Variants in UBE2J2 observed in about 807,000 individuals in gnomAD.
UBE2J2 encodes ubiquitin-conjugating enzyme E2 J2.
UBE2J2 carries 5 observed loss-of-function variants against 28.6 expected under a neutral mutation model. That is an observed-to-expected ratio of 0.17 (90% confidence interval 0.09 to 0.37). UBE2J2 has a LOEUF of 0.37. Among genes scored for constraint, UBE2J2 ranks in the 10% least tolerant of loss-of-function variants. The probability of loss-of-function intolerance (pLI) is 1.00; values close to 1 mark genes in which losing one functional copy is unlikely to be tolerated. For missense variants in UBE2J2, 226 were observed against 338.9 expected (o/e 0.67, Z 2.62); for synonymous variants, 138 against 139.7 (o/e 0.99, Z 0.09).
chr1:1,262,607 G>A (rs931327306), intron 3 of UBE2J2, among the ~76,000 whole-genome samples: 7 of 152,322 alleles, frequency 4.6e-5, no homozygotes, highest in South Asian at 4.1e-4. Context: ...ACCTGAAGCC[G>A]GGGCCCTGTG....
chr1:1,269,363 G>T (rs948549331), intron 1 of UBE2J2, among the ~76,000 whole-genome samples: 16 of 151,878 alleles, frequency 1.1e-4, no homozygotes, highest in Middle Eastern at 3.2e-3. Context: ...CTGGATCAGG[G>T]ACCCCAAGGC....
chr1:1,271,482 G>C (rs1055528708), intron 1 of UBE2J2: 3 of 152,190 alleles, frequency 2.0e-5, no homozygotes, highest in African/African-American at 7.2e-5. Context: ...TCCATCCAAT[G>C]AGTCACAAAC....
chr1:1,263,417 T>C (rs1182735753), intron 2 of UBE2J2, 31 bp from the exon 3 acceptor site: 2 of 1,601,212 alleles, frequency 1.2e-6, no homozygotes, highest in South Asian at 2.2e-5. Context: ...ACTTGGGATT[T>C]GAGGACAGCA....
At chr1:1,272,143 C>T (rs992045080) in intron 1 of UBE2J2, among the ~76,000 whole-genome samples, 1 of 151,646 alleles carries the variant, frequency 6.6e-6, no homozygotes, top group Admixed American at 6.6e-5. Flanking sequence ...AACAGAGACC[C>T]TGTATCAAAA....
intron 6 of UBE2J2, 152 bp downstream of exon 6, chr1:1,255,893 T>A: frequency 2.9e-6 from 2 of 684,450 alleles, no homozygotes; most frequent in Non-Finnish European, 2.6e-6. Context: ...AGCCCAGGCT[T>A]TCTGCCTCCC....
chr1:1,264,118 A>G (rs1475949629), intron 2 of UBE2J2, among the ~76,000 whole-genome samples: 3 of 152,202 alleles, frequency 2.0e-5, no homozygotes, highest in Non-Finnish European at 4.4e-5. Flanking sequence ...CGGTACCCCC[A>G]GCCCTTTCTC....
At chr1:1,272,306 GA>G (rs918013154) in intron 1 of UBE2J2, among the ~76,000 whole-genome samples, 6 of 151,630 alleles carry the variant, frequency 4.0e-5, no homozygotes, top group African/African-American at 1.5e-4. Flanking sequence ...AAAGGCACAG[GA>G]AAAAAAAATG....
chr1:1,268,120 C>G lies in UBE2J2; in HGVS notation c.1-128G>C, dbSNP rs1298402846. On this transcript the variant is annotated intron_variant, in intron 1 of 6. Coordinates refer to ENST00000349431, the MANE Select transcript of UBE2J2 (RefSeq NM_058167.3). The surrounding 1 kb of genome is among the most constrained non-coding windows in gnomAD (Gnocchi z 4.7). The stretch of plus-strand genomic sequence containing the variant: ...AGGGCCCGGTCACCCAGAGTCACAG[C>G]TCACAGGTCACCCTCGCTTGCCACC... 2.3e-6 allele frequency: 3 copies of G among 1,318,764 alleles called. No homozygotes were observed. Among genetic ancestry groups the G allele is most frequent in the Non-Finnish European group, 3.2e-6 (3 of 949,416 alleles). 81.7% of individuals were successfully genotyped at this position (1,318,764 alleles called of 1,614,324 possible).
At chr1:1,272,097 T>G (rs979113433) in intron 1 of UBE2J2, among the ~76,000 whole-genome samples, 12 of 149,322 alleles carry the variant, frequency 8.0e-5, no homozygotes, top group South Asian at 2.1e-4. Context: ...GAGGCTGTAG[T>G]GAACTGAGAT....
chr1:1,265,664 T>TGTC (rs996418553), intron 2 of UBE2J2, among the ~76,000 whole-genome samples: 1 of 149,554 alleles, frequency 6.7e-6, no homozygotes, highest in Non-Finnish European at 1.5e-5. Flanking sequence ...AGTCTCACTC[T>TGTC]GTCGCCAGGC....
In UBE2J2 at chr1:1,268,115, C is replaced by CACA; in HGVS notation, c.1-126_1-124dup. On this transcript the variant is annotated intron_variant, in intron 1 of 6. Transcript: ENST00000349431. This position sits in a 1 kb window ranked among gnomAD's most constrained non-coding sequence, Gnocchi z 4.7. Reference sequence around the variant, plus strand: ...CATTCAGGGCCCGGTCACCCAGAGTCACAGCTCACAGGTCACCCTCGCTTG... The same window carrying CACA: ...CATTCAGGGCCCGGTCACCCAGAGTCACAACAGCTCACAGGTCACCCTCGCTTG... 4 of 1,350,166 alleles carry CACA rather than the reference C, an allele frequency of 3.0e-6. No individual in the cohort carries two copies. The highest frequency in any genetic ancestry group is 2.1e-6 in the Non-Finnish European group (2 of 971,800). The allele number at this position is 1,350,166 out of a possible 1,614,324, so 83.6% of individuals were successfully genotyped here. A position where few individuals can be genotyped will look rare whatever the true frequency, so the allele number is the denominator to read the frequency against.
intron 3 of UBE2J2, 97 bp from the exon 4 acceptor site, chr1:1,257,407 C>CCA: frequency 3.6e-6 from 2 of 554,638 alleles, no homozygotes; most frequent in South Asian, 2.2e-5. Flanking sequence ...CCCCCCCCCC[C>CCA]CTCAGCTCGG....
intron 1 of UBE2J2, among the ~76,000 whole-genome samples, chr1:1,272,197 G>C (rs931310062): frequency 3.3e-5 from 5 of 152,010 alleles, no homozygotes; most frequent in Non-Finnish European, 7.4e-5. Context: ...AACAGAGTTT[G>C]AAGCATATGT....
intron 3 of UBE2J2, chr1:1,262,711 T>G (rs2101062458): frequency 5.7e-6 from 1 of 175,110 alleles, no homozygotes; most frequent in African/African-American, 2.4e-5. Context: ...CTGGTCCAGA[T>G]CGAGGCTGGC....
intron 6 of UBE2J2, 65 bp downstream of exon 6, chr1:1,255,980 G>A: frequency 1.0e-5 from 12 of 1,178,992 alleles, no homozygotes; most frequent in Admixed American, 1.7e-5. Flanking sequence ...TTTACTCTTT[G>A]GAAAGAGGTG....
chr1:1,264,136 T>C (rs1448831189), intron 2 of UBE2J2, among the ~76,000 whole-genome samples: 1 of 152,196 alleles, frequency 6.6e-6, no homozygotes, highest in Non-Finnish European at 1.5e-5. Flanking sequence ...CTCGTGCTCC[T>C]GGAAAAACCA....
chr1:1,261,008 C>T (rs546772652), intron 3 of UBE2J2, among the ~76,000 whole-genome samples: 12 of 152,266 alleles, frequency 7.9e-5, no homozygotes, highest in South Asian at 4.1e-4. Context: ...ACCCAGTGCA[C>T]GGAGGGGACG....
At chr1:1,265,646 T>TGTGTGTGTGTGG in intron 2 of UBE2J2, among the ~76,000 whole-genome samples, 2 of 148,592 alleles carry the variant, frequency 1.3e-5, no homozygotes, top group South Asian at 4.2e-4. Context: ...TGTGTGTGTG[T>TGTGTGTGTGTGG]GTGGTGGAGT....
Position 1,255,365 on chromosome 1 carries a change from G to C in UBE2J2, c.618C>G (p.Asn206Lys), listed in dbSNP as rs3829743. Residue 206 changes from asparagine to lysine, a missense_variant, in exon 7 of 7, where the codon AAC (asparagine) becomes AAG (lysine). Asn to Lys is a moderately conservative substitution (Grantham distance 94, BLOSUM62 0). This residue lies in a region of UBE2J2 where 133 missense variants were observed against 161.5 expected (regional missense o/e 0.82). Coordinates refer to ENST00000349431, the MANE Select transcript of UBE2J2 (RefSeq NM_058167.3). ...HLVQNGIQLLNGHAPGAVPNL... is the reference protein window; with the variant it reads ...HLVQNGIQLLKGHAPGAVPNL... ...TTGGGACGGCCCCCGGCGCATGCCCGTTGAGCAGCTGAATCCCGTTCTGGA... is the reference window on the plus strand; with the variant it reads ...TTGGGACGGCCCCCGGCGCATGCCCCTTGAGCAGCTGAATCCCGTTCTGGA... 6.2e-7 allele frequency: 1 copy of C among 1,613,796 alleles called. No homozygotes were observed. Among genetic ancestry groups the C allele is most frequent in the East Asian group, 2.2e-5 (1 of 44,878 alleles).
Sources: allele counts gnomAD v4.1 joint callset (sites outside exome capture counted in the v4.1 genomes callset), GRCh38; gene constraint gnomAD v4.1.1; regional missense constraint gnomAD v4.1.1; non-coding constraint Gnocchi (gnomAD v3.1); transcripts MANE v1.5; gene names NCBI Gene and HGNC (gene_info 2026-07-23, HGNC 2026-07-21).